PSD2: variants seen among roughly 807,000 people sequenced by gnomAD.
PSD2 encodes PH and SEC7 domain-containing protein 2.
In PSD2, 38 loss-of-function variants were observed where a neutral mutation model predicts 69.8. The ratio of observed to expected loss-of-function variants is 0.54; its 90% CI spans 0.42 to 0.71. The LOEUF is 0.71. Among genes scored for constraint, PSD2 ranks in the 30% least tolerant of loss-of-function variants. The pLI, the probability that PSD2 is intolerant of heterozygous loss-of-function variation, is 0.00. For missense variants in PSD2, 943 were observed against 1,014.5 expected, an observed-to-expected ratio of 0.93 and a Z score of 0.96; for synonymous variants, 412 against 423.0, an observed-to-expected ratio of 0.97 and a Z score of 0.32.
At chr5:139,830,055 T>C (rs1449158361) in intron 7 of PSD2, among the ~76,000 whole-genome samples, 1 of 151,352 alleles carries the variant, frequency 6.6e-6, no homozygotes, top group Non-Finnish European at 1.5e-5. Context: ...TGTGATCTGG[T>C]ATGTGTGATC....
the PSD2 span, among the ~76,000 whole-genome samples, chr5:139,763,466 C>T: frequency 6.6e-6 from 1 of 152,196 alleles, no homozygotes; most frequent in Admixed American, 6.5e-5. Context: ...GCAAGAAGGC[C>T]GTGTCCTACT....
At chr5:139,801,523 G>T (rs1358025921) in intron 1 of PSD2, among the ~76,000 whole-genome samples, 3 of 151,964 alleles carry the variant, frequency 2.0e-5, no homozygotes, top group Non-Finnish European at 4.4e-5. Flanking sequence ...TCCTTTGCTG[G>T]TTCCTCTTCT....
chr5:139,816,581 G>T (rs1352706656), intron 4 of PSD2, among the ~76,000 whole-genome samples: 1 of 152,214 alleles, frequency 6.6e-6, no homozygotes, highest in Non-Finnish European at 1.5e-5. Flanking sequence ...CTGCAAATGG[G>T]CAGCGAGCTC....
intron 5 of PSD2, 39 bp downstream of exon 5, chr5:139,817,600 C>T: frequency 2.0e-6 from 3 of 1,498,774 alleles, no homozygotes; most frequent in Non-Finnish European, 1.9e-6. Flanking sequence ...ACAAGTGGTA[C>T]AGGCTGCACT....
upstream of PSD2, among the ~76,000 whole-genome samples, chr5:139,792,602 G>A (rs1759432769): frequency 6.6e-6 from 1 of 152,216 alleles, no homozygotes; most frequent in Non-Finnish European, 1.5e-5. Flanking sequence ...GTCACTTGGA[G>A]GAACAGGGAG....
At position 139,839,698 on chromosome 5, in the gene PSD2, T is replaced by G. The variant is rs146222016; in HGVS notation, c.1969-329T>G. On this transcript the variant is annotated intron_variant, in intron 13 of 14. Transcript: ENST00000274710. The surrounding 1 kb of genome is among the most constrained non-coding windows in gnomAD (Gnocchi z 5.1). Reference sequence around the variant, plus strand: ...TGTGCACATGGGAGTGCATATGAGCTGGGTTTTGTGTGGGGGTCATTGTGT... The same window carrying G: ...TGTGCACATGGGAGTGCATATGAGCGGGGTTTTGTGTGGGGGTCATTGTGT... Among the ~76,000 whole-genome samples the G allele has an allele frequency of 5.0e-4, 76 of 152,316 alleles. No homozygotes were observed. In the East Asian group the frequency reaches 0.015, roughly 29 times the overall value.
the PSD2 span, among the ~76,000 whole-genome samples, chr5:139,764,545 A>C: frequency 6.6e-6 from 1 of 152,106 alleles, no homozygotes; most frequent in Non-Finnish European, 1.5e-5. Flanking sequence ...CCCCGTTGCC[A>C]GGAGCAGTCA....
the PSD2 span, among the ~76,000 whole-genome samples, chr5:139,772,308 C>T: frequency 6.6e-6 from 1 of 152,154 alleles, no homozygotes; most frequent in African/African-American, 2.4e-5. Context: ...TATATTGTGG[C>T]TAATGACTAT....
At position 139,837,539 on chromosome 5, in the gene PSD2, G is replaced by T. The variant is rs115794874; in HGVS notation, c.1666-86G>T. The T allele has an allele frequency of 1.4e-6, 2 of 1,384,888 alleles. No individual in the cohort carries two copies. Among genetic ancestry groups the T allele is most frequent in the Non-Finnish European group, 2.0e-6 (2 of 1,013,674 alleles). The allele number at this position is 1,384,888 out of a possible 1,614,324, so 85.8% of individuals were successfully genotyped here. A position where few individuals can be genotyped will look rare whatever the true frequency, so the allele number is the denominator to read the frequency against. Reference sequence around the variant, plus strand: ...GCAGGAACAGAAAATTAAGGGAGCCGTAGGGTTAGACAGAGAGCAGTGAGG... The same window carrying T: ...GCAGGAACAGAAAATTAAGGGAGCCTTAGGGTTAGACAGAGAGCAGTGAGG... On this transcript the variant is annotated intron_variant, in intron 11 of 14. Coordinates refer to ENST00000274710, the MANE Select transcript of PSD2 (RefSeq NM_032289.4). The surrounding 1 kb of genome is among the most constrained non-coding windows in gnomAD (Gnocchi z 5.0).
chr5:139,781,754 C>T, the PSD2 span, among the ~76,000 whole-genome samples: 1 of 151,976 alleles, frequency 6.6e-6, no homozygotes, highest in Admixed American at 6.6e-5. Context: ...CTGCGTCAGC[C>T]TCCTGAGTAA....
rs1325891467 is a variant in PSD2 at position 139,843,314 on chromosome 5, T to G, written c.*840T>G. ...GCAGTGCTGGCCTCCCTTGCCCTGT[T>G]TTTCCCTCTTCCAGCTGACCTGTGA... On this transcript the variant is annotated 3_prime_UTR_variant, in exon 15 of 15. Coordinates refer to ENST00000274710, the MANE Select transcript of PSD2 (RefSeq NM_032289.4). The G allele has an allele frequency of 6.6e-6, 1 of 152,208 alleles. No individual in the cohort carries two copies. The highest frequency in any genetic ancestry group is 1.5e-5 in the Non-Finnish European group (1 of 68,044). The allele number at this position is 152,208 out of a possible 1,614,324, so 9.4% of individuals were successfully genotyped here. A position where few individuals can be genotyped will look rare whatever the true frequency, so the allele number is the denominator to read the frequency against.
chr5:139,801,085 C>T (rs1351936257), intron 1 of PSD2, among the ~76,000 whole-genome samples: 1 of 151,820 alleles, frequency 6.6e-6, no homozygotes, highest in African/African-American at 2.4e-5. Context: ...GGCACTTGTA[C>T]TCCCAGGTAC....
At chr5:139,787,281 C>G in the PSD2 span, among the ~76,000 whole-genome samples, 127 of 152,296 alleles carry the variant, frequency 8.3e-4, no homozygotes, top group African/African-American at 2.8e-3. Context: ...GCAGGCTAAG[C>G]TGAGATGGAT....
In PSD2 at chr5:139,837,884, G is replaced by A; in HGVS notation, c.1823+102G>A. 1 of 1,160,350 alleles carries A rather than the reference G, an allele frequency of 8.6e-7. No homozygotes were observed. The highest frequency in any genetic ancestry group is 1.2e-6 in the Non-Finnish European group (1 of 820,090). The allele number at this position is 1,160,350 out of a possible 1,614,324, so 71.9% of individuals were successfully genotyped here. ...CCCGTGAGTCAGCAACAGAGCATGT[G>A]TATCCACATGACACAGACCGACAGC... is the stretch of plus-strand genomic sequence containing the variant. On this transcript the variant is annotated intron_variant, in intron 12 of 14. Coordinates refer to ENST00000274710, the MANE Select transcript of PSD2 (RefSeq NM_032289.4). The surrounding 1 kb of genome is among the most constrained non-coding windows in gnomAD (Gnocchi z 5.0).
rs575448532 is a variant in PSD2 at position 139,837,514 on chromosome 5, G to A, written c.1666-111G>A. The A allele has an allele frequency of 1.5e-4, 181 of 1,184,684 alleles. No homozygotes were observed. The highest frequency in any genetic ancestry group is 2.4e-4 in the Admixed American group (10 of 42,356). The allele number at this position is 1,184,684 out of a possible 1,614,324, so 73.4% of individuals were successfully genotyped here. On this transcript the variant is annotated intron_variant, in intron 11 of 14. Transcript: ENST00000274710. The surrounding 1 kb of genome is among the most constrained non-coding windows in gnomAD (Gnocchi z 5.0). ...GATTCTTGTTGGGGTGGGTGAGGCA[G>A]CAGGAACAGAAAATTAAGGGAGCCG...
chr5:139,815,069 G>A (rs1396279991), intron 4 of PSD2, among the ~76,000 whole-genome samples: 1 of 152,078 alleles, frequency 6.6e-6, no homozygotes, highest in African/African-American at 2.4e-5. Context: ...ACTGCTCACA[G>A]GGCTGGGAGA....
chr5:139,832,638 G>A (rs60794580), intron 7 of PSD2, among the ~76,000 whole-genome samples: 2,809 of 152,272 alleles, frequency 0.018, 51 homozygotes, highest in African/African-American at 0.05. Flanking sequence ...CTTTTTTTGA[G>A]AGAATACCTA....
chr5:139,775,342 A>T, the PSD2 span: 1 of 152,240 alleles, frequency 6.6e-6, no homozygotes, highest in Admixed American at 6.5e-5. Flanking sequence ...AGGGCGCGCG[A>T]GGCCGAGTGG....
At chr5:139,797,485 G>A (rs1759559401) in intron 1 of PSD2, among the ~76,000 whole-genome samples, 1 of 152,196 alleles carries the variant, frequency 6.6e-6, no homozygotes, top group South Asian at 2.1e-4. Flanking sequence ...GCCCCCAGAG[G>A]CCTCCCCGCT....
Sources: gnomAD v4.1 joint callset for allele counts (sites outside exome capture counted in the v4.1 genomes callset) on GRCh38, gnomAD v4.1.1 for gene constraint, Gnocchi (gnomAD v3.1) non-coding constraint, MANE v1.5 for transcripts, NCBI Gene and HGNC (gene_info 2026-07-23, HGNC 2026-07-21) for gene names.